PARD3B: variants seen among roughly 807,000 people sequenced by gnomAD.
The protein encoded by PARD3B is partitioning defective 3 homolog B.
A neutral mutation model predicts 130.2 loss-of-function variants in PARD3B; 103 were observed. That is an observed-to-expected ratio of 0.79 (90% CI 0.67 to 0.93). The LOEUF is 0.93. Among genes scored for constraint, PARD3B ranks in the 40% least tolerant of loss-of-function variants. The pLI, the probability that PARD3B is intolerant of heterozygous loss-of-function variation, is 0.00. For missense variants in PARD3B, 1,609 were observed against 1,499.2 expected, an observed-to-expected ratio of 1.07 and a Z score of -1.21; for synonymous variants, 583 against 553.2, an observed-to-expected ratio of 1.05 and a Z score of -0.76.
At chr2:205,594,931 A>G (rs1413378648) in intron 22 of PARD3B, among the ~76,000 whole-genome samples, 2 of 152,188 alleles carry the variant, frequency 1.3e-5, no homozygotes, top group African/African-American at 4.8e-5. Context: ...AGAAGATCCA[A>G]TTTTATTTTT....
At chr2:204,828,601 T>G (rs1447805843) in intron 2 of PARD3B, among the ~76,000 whole-genome samples, 1 of 152,204 alleles carries the variant, frequency 6.6e-6, no homozygotes, top group Non-Finnish European at 1.5e-5. Context: ...TCTGTGCCCC[T>G]GCCTAACCAA....
At chr2:204,991,166 G>A (rs754116342) in intron 3 of PARD3B, among the ~76,000 whole-genome samples, 6 of 151,094 alleles carry the variant, frequency 4.0e-5, no homozygotes, top group African/African-American at 7.3e-5. Flanking sequence ...ATGCTGGTGC[G>A]CTGCACCCAC....
intron 11 of PARD3B, among the ~76,000 whole-genome samples, chr2:205,167,194 C>T (rs2034868670): frequency 6.6e-6 from 1 of 151,988 alleles, no homozygotes; most frequent in Admixed American, 6.6e-5. Context: ...GAGGAAGTAC[C>T]CAGGCACCAG....
chr2:204,735,857 G>A (rs1383778483), intron 2 of PARD3B, among the ~76,000 whole-genome samples: 1 of 152,150 alleles, frequency 6.6e-6, no homozygotes, highest in East Asian at 1.9e-4. Context: ...ATTCACATCC[G>A]CATAAGGCAA....
At chr2:205,553,291 G>C (rs1387067206) in intron 21 of PARD3B, 33 bp from the exon 22 acceptor site, 1 of 1,585,854 alleles carries the variant, frequency 6.3e-7, no homozygotes. Context: ...GTGTATAATG[G>C]ATCTTCATCT....
chr2:205,278,393 G>C (rs77707298), intron 16 of PARD3B, among the ~76,000 whole-genome samples: 1 of 152,152 alleles, frequency 6.6e-6, no homozygotes, highest in African/African-American at 2.4e-5. Context: ...CTGGACGACT[G>C]ATAGGCTTGG....
intron 21 of PARD3B, among the ~76,000 whole-genome samples, chr2:205,543,674 C>G (rs1367468483): frequency 6.6e-6 from 1 of 152,162 alleles, no homozygotes; most frequent in Non-Finnish European, 1.5e-5. Context: ...GATCTCTGAA[C>G]TTTCATTTCC....
chr2:205,408,290 C>T (rs1024853483), intron 19 of PARD3B, among the ~76,000 whole-genome samples: 1 of 152,072 alleles, frequency 6.6e-6, no homozygotes, highest in Non-Finnish European at 1.5e-5. Flanking sequence ...CCCACATAAA[C>T]GAAATGCATC....
chr2:205,310,869 G>A (rs1454327320), intron 18 of PARD3B, among the ~76,000 whole-genome samples: 2 of 151,644 alleles, frequency 1.3e-5, no homozygotes, highest in African/African-American at 2.4e-5. Context: ...GGTTACAGGT[G>A]CCTGCCACCA....
intron 21 of PARD3B, among the ~76,000 whole-genome samples, chr2:205,552,673 C>A (rs1327818256): frequency 6.6e-6 from 1 of 152,102 alleles, no homozygotes; most frequent in African/African-American, 2.4e-5. Flanking sequence ...GACCTCCGAA[C>A]AAAGTGCTGG....
chr2:204,713,709 C>T lies in PARD3B; in HGVS notation c.222+27427C>T, dbSNP rs370002640. 2.6e-5 allele frequency among the ~76,000 whole-genome samples: 4 copies of T among 152,028 alleles called. No individual in the cohort carries two copies. In the South Asian group the frequency reaches 8.3e-4, roughly 32 times the overall value. The stretch of plus-strand genomic sequence containing the variant: ...TTTACTTAGTATGTCAAGGTTTATC[C>T]ATGTTGTAGCATGTGCCAGGATTCT... On this transcript the variant is annotated intron_variant, in intron 2 of 22. Transcript: ENST00000406610.
intron 2 of PARD3B, among the ~76,000 whole-genome samples, chr2:204,824,011 G>A (rs2043471164): frequency 6.6e-6 from 1 of 151,976 alleles, no homozygotes; most frequent in Non-Finnish European, 1.5e-5. Context: ...ACAGCTATAA[G>A]AGGAGGAAGG....
At chr2:204,562,844 G>A (rs777015840) in intron 1 of PARD3B, among the ~76,000 whole-genome samples, 3 of 147,646 alleles carry the variant, frequency 2.0e-5, no homozygotes, top group Non-Finnish European at 3.0e-5. Context: ...TTTTTTTTTC[G>A]TTGCTGTAAC....
intron 2 of PARD3B, among the ~76,000 whole-genome samples, chr2:204,893,774 C>T (rs2046536824): frequency 6.6e-6 from 1 of 152,074 alleles, no homozygotes; most frequent in African/African-American, 2.4e-5. Context: ...GTTCAACAGC[C>T]ACATGTGGCT....
chr2:204,661,838 C>G (rs1485765995), intron 1 of PARD3B, among the ~76,000 whole-genome samples: 1 of 152,072 alleles, frequency 6.6e-6, no homozygotes, highest in Non-Finnish European at 1.5e-5. Flanking sequence ...TAAGGGAAGA[C>G]AGCTGGATTC....
Position 204,676,221 on chromosome 2 carries a change from C to CT in PARD3B, c.121-9952dup, listed in dbSNP as rs554847645. 1.1e-4 allele frequency among the ~76,000 whole-genome samples: 16 copies of CT among 151,462 alleles called. 1 individual carries two copies. Among genetic ancestry groups the CT allele is most frequent in the Middle Eastern group, 3.4e-3 (1 of 292 alleles). ...TTCAAATCAATATAAAATTCTCAGG[C>CT]TTTTTTTTCCCCCCTACCAAGAGTA... On this transcript the variant is annotated intron_variant, in intron 1 of 22. Transcript: ENST00000406610.
chr2:204,547,466 A>G (rs1258111830), intron 1 of PARD3B, among the ~76,000 whole-genome samples: 1 of 152,168 alleles, frequency 6.6e-6, no homozygotes, highest in East Asian at 1.9e-4. Flanking sequence ...ATCAACTGCA[A>G]TGTTATGTGT....
intron 21 of PARD3B, among the ~76,000 whole-genome samples, chr2:205,529,387 G>C (rs749174372): frequency 2.0e-5 from 3 of 152,174 alleles, no homozygotes; most frequent in Non-Finnish European, 4.4e-5. Context: ...CAGTTTAAGA[G>C]AAACAGATTA....
At chr2:205,419,891 T>A (rs1424051539) in intron 19 of PARD3B, among the ~76,000 whole-genome samples, 1 of 152,188 alleles carries the variant, frequency 6.6e-6, no homozygotes, top group Non-Finnish European at 1.5e-5. Flanking sequence ...AGAAGGATGG[T>A]CTTCAAATGA....
Sources: allele counts gnomAD v4.1 joint callset (sites outside exome capture counted in the v4.1 genomes callset), GRCh38; gene constraint gnomAD v4.1.1; transcripts MANE v1.5; gene names NCBI Gene and HGNC (gene_info 2026-07-23, HGNC 2026-07-21).